C1QTNF7: variants seen among roughly 807,000 people sequenced by gnomAD.
C1QTNF7 encodes the protein C1q and TNF related 7, also known as complement C1q tumor necrosis factor-related protein 7.
C1QTNF7 carries 15 observed loss-of-function variants against 19.6 expected under a neutral mutation model. That is an observed-to-expected ratio of 0.76 (90% confidence interval 0.51 to 1.18). The LOEUF is 1.18. Ranked by LOEUF, C1QTNF7 falls within the 50% of genes most tolerant of loss-of-function variation. The pLI is 0.00. For synonymous variants in C1QTNF7, 142 were observed against 137.5 expected (o/e 1.03, Z -0.23); for missense variants, 324 against 359.7 (o/e 0.90, Z 0.80).
At chr4:15,364,584 C>T (rs192319575) in intron 1 of C1QTNF7, among the ~76,000 whole-genome samples, 66 of 152,262 alleles carry the variant, frequency 4.3e-4, no homozygotes, top group African/African-American at 1.3e-3. Context: ...TAATAAGACA[C>T]GTTTCTCTAG....
rs80275595 is a variant in C1QTNF7 at position 15,379,085 on chromosome 4, T to C, written c.13+38878T>C. Among the ~76,000 whole-genome samples, 571 of 152,352 alleles carry C rather than the reference T, an allele frequency of 3.7e-3. 6 individuals are homozygous for C. Among genetic ancestry groups the C allele is most frequent in the South Asian group, 0.028 (135 of 4,834 alleles). On this transcript the variant is annotated intron_variant, in intron 1 of 2. Coordinates refer to the C1QTNF7 transcript ENST00000295297. Reference sequence around the variant, plus strand: ...AAATAGAATATATGGGTCAATATTTTCAATTTTCAAGTACTGTTATTTTTT... The same window carrying C: ...AAATAGAATATATGGGTCAATATTTCCAATTTTCAAGTACTGTTATTTTTT...
At chr4:15,378,162 A>AT (rs1718011052) in intron 1 of C1QTNF7, among the ~76,000 whole-genome samples, 4 of 152,232 alleles carry the variant, frequency 2.6e-5, no homozygotes, top group Non-Finnish European at 5.9e-5. Context: ...GTCAAGGACC[A>AT]CCTCATTAAG....
intron 1 of C1QTNF7, among the ~76,000 whole-genome samples, chr4:15,400,102 G>T (rs1417726285): frequency 1.3e-5 from 2 of 152,208 alleles, no homozygotes; most frequent in Non-Finnish European, 2.9e-5. Flanking sequence ...TTAGGGAAAT[G>T]ACACTGCAAC....
intron 1 of C1QTNF7, among the ~76,000 whole-genome samples, chr4:15,376,781 T>C (rs1244173304): frequency 6.6e-6 from 1 of 152,230 alleles, no homozygotes; most frequent in Non-Finnish European, 1.5e-5. Flanking sequence ...GTTCTTACAA[T>C]GGCCTTCTAA....
intron 1 of C1QTNF7, chr4:15,340,313 G>A (rs145972224): frequency 1.4e-5 from 19 of 1,343,970 alleles, no homozygotes; most frequent in Middle Eastern, 1.8e-4. Flanking sequence ...AAGAAATGGG[G>A]GAACTTGTAA....
chr4:15,442,119 A>G (rs1268713083), intron 2 of C1QTNF7, 49 bp from the exon 3 acceptor site: 1 of 1,534,284 alleles, frequency 6.5e-7, no homozygotes, highest in South Asian at 1.3e-5. Flanking sequence ...ATTGTTTGTG[A>G]TTATATCTTT....
intron 1 of C1QTNF7, among the ~76,000 whole-genome samples, chr4:15,352,414 G>A (rs1345630775): frequency 6.6e-6 from 1 of 152,118 alleles, no homozygotes. Flanking sequence ...TTTTCACTCT[G>A]CCACCATGGA....
At chr4:15,362,012 C>T (rs1213521629) in intron 1 of C1QTNF7, among the ~76,000 whole-genome samples, 1 of 152,156 alleles carries the variant, frequency 6.6e-6, no homozygotes, top group African/African-American at 2.4e-5. Flanking sequence ...AACTGCAGGG[C>T]ACAGAAGCCA....
chr4:15,373,243 TC>T (rs1411692948), intron 1 of C1QTNF7, among the ~76,000 whole-genome samples: 1 of 152,172 alleles, frequency 6.6e-6, no homozygotes, highest in African/African-American at 2.4e-5. Context: ...AAATGCTATG[TC>T]CACACATGAC....
At chr4:15,435,341 A>G (rs1296819433) in intron 1 of C1QTNF7, among the ~76,000 whole-genome samples, 2 of 152,212 alleles carry the variant, frequency 1.3e-5, no homozygotes, top group Admixed American at 1.3e-4. Context: ...GTAAATCTCA[A>G]GGTGGTAAAA....
upstream of C1QTNF7, among the ~76,000 whole-genome samples, chr4:15,426,259 G>A (rs1270601335): frequency 6.6e-6 from 1 of 152,164 alleles, no homozygotes; most frequent in African/African-American, 2.4e-5. Flanking sequence ...TTTACTCTGA[G>A]CCAATACTTC....
intron 1 of C1QTNF7, among the ~76,000 whole-genome samples, chr4:15,371,771 G>A (rs960349716): frequency 6.6e-6 from 1 of 152,114 alleles, no homozygotes; most frequent in African/African-American, 2.4e-5. Context: ...TAACATGAAG[G>A]GGGCTGGGAG....
Position 15,373,407 on chromosome 4 carries a change from G to A in C1QTNF7, c.13+33200G>A, listed in dbSNP as rs116348802. 3.2e-3 allele frequency among the ~76,000 whole-genome samples: 484 copies of A among 152,298 alleles called. 3 individuals carry two copies. The highest frequency in any genetic ancestry group is 5.7e-3 in the African/African-American group (238 of 41,568). On this transcript the variant is annotated intron_variant, in intron 1 of 2. Coordinates refer to the C1QTNF7 transcript ENST00000295297. ...ATCACATTGGATCTTAGGTTCCAAC[G>A]TATGAATTTGTGGGGAAACACGTAT...
intron 1 of C1QTNF7, among the ~76,000 whole-genome samples, chr4:15,373,012 G>A (rs1299547549): frequency 6.6e-6 from 1 of 152,168 alleles, no homozygotes; most frequent in Non-Finnish European, 1.5e-5. Flanking sequence ...AATGGGCAAT[G>A]GTAGTTGCAC....
intron 2 of C1QTNF7, among the ~76,000 whole-genome samples, chr4:15,436,272 A>G (rs190119144): frequency 6.6e-6 from 1 of 152,302 alleles, no homozygotes; most frequent in Admixed American, 6.5e-5. Context: ...ACCGGGGTGG[A>G]TGTGCACTGC....
At chr4:15,414,888 G>C (rs1196511971) in intron 1 of C1QTNF7, among the ~76,000 whole-genome samples, 1 of 151,868 alleles carries the variant, frequency 6.6e-6, no homozygotes, top group African/African-American at 2.4e-5. Flanking sequence ...ACTAGGTTTG[G>C]GATAAAATTC....
chr4:15,359,853 C>T lies in C1QTNF7; in HGVS notation c.13+19646C>T, dbSNP rs368251512. ...CTTTCCCTTCTGAAGCATGGCCCTTCGCCCAGAGACACATCTTCACAGTGT... is the reference window on the plus strand; with the variant it reads ...CTTTCCCTTCTGAAGCATGGCCCTTTGCCCAGAGACACATCTTCACAGTGT... On this transcript the variant is annotated intron_variant, in intron 1 of 2. Transcript: ENST00000295297. Among the ~76,000 whole-genome samples, 5 of 152,122 alleles carry T rather than the reference C, an allele frequency of 3.3e-5. No individual in the cohort carries two copies. The East Asian group carries it at 5.8e-4, about 18-fold the overall frequency.
rs189083282 is a variant in C1QTNF7, at chr4:15,429,957, T to C, written c.-9+1851T>C. On this transcript the variant is annotated intron_variant, in intron 1 of 2. Transcript: ENST00000444304. ...TCTACTTACACTGGGGAAAAAATAA[T>C]ATGCTATTTACAAAGGGATCTCAAT... is the stretch of plus-strand genomic sequence containing the variant. Among the ~76,000 whole-genome samples the C allele has an allele frequency of 3.9e-5, 6 of 152,312 alleles. No individual in the cohort carries two copies. In the East Asian group the frequency reaches 1.2e-3, roughly 29 times the overall value.
chr4:15,361,771 A>G (rs1215507437), intron 1 of C1QTNF7, among the ~76,000 whole-genome samples: 1 of 152,148 alleles, frequency 6.6e-6, no homozygotes, highest in African/African-American at 2.4e-5. Context: ...AAATCCCTAA[A>G]TCTCATATTA....
Sources: gnomAD v4.1 joint callset for allele counts (sites outside exome capture counted in the v4.1 genomes callset) on GRCh38, gnomAD v4.1.1 for gene constraint, MANE v1.5 for transcripts, NCBI Gene and HGNC (gene_info 2026-07-23, HGNC 2026-07-21) for gene names.